PCDH15: variants seen among roughly 807,000 people sequenced by gnomAD.
The protein encoded by PCDH15 is protocadherin-15.
In PCDH15, 129 loss-of-function variants were observed where a neutral mutation model predicts 178.5. That is an observed-to-expected ratio of 0.72 (90% CI 0.63 to 0.84). PCDH15 has a LOEUF of 0.84. Among genes scored for constraint, PCDH15 ranks in the 40% least tolerant of loss-of-function variants. The probability of loss-of-function intolerance (pLI) is 0.00; values close to 1 mark genes in which losing one functional copy is unlikely to be tolerated. For missense variants in PCDH15, 2,230 were observed against 2,099.9 expected (o/e 1.06, Z -1.21); for synonymous variants, 800 against 732.0 (o/e 1.09, Z -1.50).
intron 26 of PCDH15, among the ~76,000 whole-genome samples, chr10:53,875,432 C>T (rs1216338569): frequency 2.0e-5 from 3 of 151,826 alleles, no homozygotes; most frequent in Non-Finnish European, 2.9e-5. Flanking sequence ...AAAACTGACT[C>T]ACTGTGGAAA....
At chr10:55,328,200 A>C (rs981866975) in intron 2 of PCDH15, among the ~76,000 whole-genome samples, 3 of 151,098 alleles carry the variant, frequency 2.0e-5, no homozygotes, top group Non-Finnish European at 4.4e-5. Flanking sequence ...TACACACTAC[A>C]CTATGCATAT....
intron 15 of PCDH15, among the ~76,000 whole-genome samples, chr10:54,104,128 G>A (rs1402145667): frequency 1.3e-5 from 2 of 152,160 alleles, no homozygotes; most frequent in Non-Finnish European, 2.9e-5. Flanking sequence ...GGCCATCACT[G>A]TTGCTTCAGG....
chr10:54,247,592 G>A (rs1378623486), intron 8 of PCDH15, among the ~76,000 whole-genome samples: 1 of 151,854 alleles, frequency 6.6e-6, no homozygotes, highest in Non-Finnish European at 1.5e-5. Flanking sequence ...GGTCATAAGA[G>A]TGAATCATAT....
intron 6 of PCDH15, among the ~76,000 whole-genome samples, chr10:54,340,755 C>G (rs2795923): frequency 0.25 from 38,308 of 151,956 alleles, 5,287 homozygotes; most frequent in African/African-American, 0.37. Context: ...GGGGGTTTGC[C>G]ATTCTCCTCC....
chr10:55,226,346 GT>G (rs1003446434), intron 1 of PCDH15, among the ~76,000 whole-genome samples: 1 of 151,616 alleles, frequency 6.6e-6, no homozygotes, highest in African/African-American at 2.4e-5. Context: ...AAACAGAATA[GT>G]TTTTTTGTTT....
At chr10:54,663,203 A>C (rs2094518056) in intron 2 of PCDH15, among the ~76,000 whole-genome samples, 1 of 151,928 alleles carries the variant, frequency 6.6e-6, no homozygotes, top group Non-Finnish European at 1.5e-5. Context: ...TCTTCTGATC[A>C]ATCAGTTTAG....
At chr10:54,283,069 G>A (rs1486859979) in intron 8 of PCDH15, among the ~76,000 whole-genome samples, 5 of 152,114 alleles carry the variant, frequency 3.3e-5, no homozygotes, top group Admixed American at 3.3e-4. Context: ...AATGTGTGCA[G>A]ACTTCCCAAG....
upstream of PCDH15, among the ~76,000 whole-genome samples, chr10:55,323,892 G>T (rs1252640151): frequency 6.6e-6 from 1 of 152,110 alleles, no homozygotes; most frequent in East Asian, 1.9e-4. Context: ...GTTTGGCTGT[G>T]TCCTTACCCT....
chr10:54,807,357 CAT>C (rs981418184), intron 3 of PCDH15, among the ~76,000 whole-genome samples: 1 of 152,048 alleles, frequency 6.6e-6, no homozygotes, highest in African/African-American at 2.4e-5. Flanking sequence ...ACTTAGTTGA[CAT>C]ATTTGGAACT....
intron 2 of PCDH15, among the ~76,000 whole-genome samples, chr10:54,619,742 GCACTAGAA>G (rs1468762789): frequency 1.3e-5 from 2 of 151,904 alleles, no homozygotes; most frequent in African/African-American, 4.8e-5. Flanking sequence ...CTAGACTGCC[GCACTAGAA>G]CCATCATAGT....
intron 1 of PCDH15, among the ~76,000 whole-genome samples, chr10:55,167,251 C>A (rs538611644): frequency 5.3e-5 from 8 of 152,122 alleles, no homozygotes; most frequent in African/African-American, 1.9e-4. Context: ...GTAGCTGGAA[C>A]TACAGATATG....
intron 2 of PCDH15, among the ~76,000 whole-genome samples, chr10:55,012,137 TTTA>T (rs1405397855): frequency 1.3e-5 from 2 of 152,116 alleles, no homozygotes; most frequent in Non-Finnish European, 2.9e-5. Context: ...CTCTTCCTCT[TTTA>T]TTTAAAAATA....
intron 26 of PCDH15, among the ~76,000 whole-genome samples, chr10:53,901,004 A>G (rs1257304086): frequency 6.6e-6 from 1 of 152,162 alleles, no homozygotes; most frequent in Non-Finnish European, 1.5e-5. Flanking sequence ...AGCATCTGAC[A>G]GTCAACGATC....
intron 3 of PCDH15, among the ~76,000 whole-genome samples, chr10:54,427,281 T>C (rs1354827656): frequency 1.5e-5 from 2 of 137,190 alleles, no homozygotes; most frequent in African/African-American, 5.5e-5. Flanking sequence ...TTTTTTTTTT[T>C]TTTTTTTTTT....
At chr10:55,561,863 A>C (rs527656560) in intron 2 of PCDH15, among the ~76,000 whole-genome samples, 1 of 152,076 alleles carries the variant, frequency 6.6e-6, no homozygotes, top group African/African-American at 2.4e-5. Flanking sequence ...ATTAACAGTC[A>C]TAACATTTGC....
chr10:55,125,176 T>TGC (rs1313412509), intron 2 of PCDH15, among the ~76,000 whole-genome samples: 2 of 151,066 alleles, frequency 1.3e-5, no homozygotes, highest in Non-Finnish European at 3.0e-5. Context: ...TGTGTGTGTG[T>TGC]GTGTGTGTGT....
chr10:54,657,345 C>A (rs1048284882), intron 2 of PCDH15, among the ~76,000 whole-genome samples: 2 of 152,188 alleles, frequency 1.3e-5, no homozygotes, highest in African/African-American at 2.4e-5. Flanking sequence ...AGGATCTCCA[C>A]CAGCTACACC....
intron 28 of PCDH15, among the ~76,000 whole-genome samples, chr10:53,853,539 C>A (rs1421428760): frequency 2.6e-5 from 4 of 151,936 alleles, no homozygotes; most frequent in African/African-American, 9.7e-5. Flanking sequence ...GGATTAGTAT[C>A]TAATATCTAA....
At chr10:55,460,027 A>C (rs938126215) in intron 2 of PCDH15, among the ~76,000 whole-genome samples, 4 of 152,028 alleles carry the variant, frequency 2.6e-5, no homozygotes, top group Non-Finnish European at 2.9e-5. Context: ...GACAAGAAAA[A>C]CCAGAACAGA....
Sources: allele counts gnomAD v4.1 joint callset (sites outside exome capture counted in the v4.1 genomes callset), GRCh38; gene constraint gnomAD v4.1.1; transcripts MANE v1.5; gene names NCBI Gene and HGNC (gene_info 2026-07-23, HGNC 2026-07-21).